The following CHL1 variants were observed in gnomAD, a reference collection of about 807,000 sequenced individuals.
CHL1 encodes neural cell adhesion molecule L1-like protein.
In CHL1, 96 loss-of-function variants were observed where a neutral mutation model predicts 141.9. The ratio of observed to expected loss-of-function variants is 0.68; its 90% CI spans 0.57 to 0.80. The LOEUF is 0.80. Ranked by LOEUF, CHL1 falls within the 30% of genes least tolerant of loss-of-function variation. CHL1 has a pLI of 0.00. For synonymous variants in CHL1, 613 were observed against 502.2 expected, an observed-to-expected ratio of 1.22 and a Z score of -2.95; for missense variants, 1,820 against 1,457.2, an observed-to-expected ratio of 1.25 and a Z score of -4.05.
chr3:280,383 G>C (rs73815829), intron 2 of CHL1, among the ~76,000 whole-genome samples: 6,620 of 152,038 alleles, frequency 0.044, 466 homozygotes, highest in African/African-American at 0.15. Context: ...CTAGAAAAGA[G>C]AATCTGTGGC....
At position 300,554 on chromosome 3, in the gene CHL1, CTATT is replaced by C. The variant is rs762319232; in HGVS notation, c.-94-19122_-94-19119del. Reference sequence around the variant, plus strand: ...CATCCAATTATTTTATATGTACTCACTATTTATTTAAACAGCTTTATTCATGGGG... The same window carrying C: ...CATCCAATTATTTTATATGTACTCACTATTTAAACAGCTTTATTCATGGGG... On this transcript the variant is annotated intron_variant, in intron 2 of 27. Transcript: ENST00000256509. Among the ~76,000 whole-genome samples the C allele has an allele frequency of 9.6e-4, 146 of 152,238 alleles. 1 individual carries two copies. Among genetic ancestry groups the C allele is most frequent in the Non-Finnish European group, 1.6e-3 (112 of 68,012 alleles).
intron 1 of CHL1, among the ~76,000 whole-genome samples, chr3:212,724 G>A (rs1371611200): frequency 2.6e-5 from 4 of 152,132 alleles, no homozygotes; most frequent in Non-Finnish European, 5.9e-5. Flanking sequence ...TGTATCCTTA[G>A]AGACCCTCTC....
chr3:402,932 C>T (rs1026283727), intron 27 of CHL1, among the ~76,000 whole-genome samples: 1 of 152,142 alleles, frequency 6.6e-6, no homozygotes, highest in Non-Finnish European at 1.5e-5. Flanking sequence ...AAACAATAAA[C>T]ATTTATTATT....
Position 407,388 on chromosome 3 carries a change from C to T in CHL1, c.*1677C>T, listed in dbSNP as rs1709595216. On this transcript the variant is annotated 3_prime_UTR_variant, in exon 28 of 28. Coordinates refer to ENST00000256509, the MANE Select transcript of CHL1 (RefSeq NM_006614.4). ...ACTTGTCCTTTTGAACCTCACGAGT[C>T]ATCCAGAATGTATAGACAGGAAAAG... The T allele has an allele frequency of 6.6e-6, 1 of 152,098 alleles. No individual in the cohort carries two copies. The highest frequency in any genetic ancestry group is 1.9e-4 in the East Asian group (1 of 5,190). The allele number at this position is 152,098 out of a possible 1,614,324, so 9.4% of individuals were successfully genotyped here. A position where few individuals can be genotyped will look rare whatever the true frequency, so the allele number is the denominator to read the frequency against.
intron 5 of CHL1, among the ~76,000 whole-genome samples, chr3:330,165 G>A (rs1276179459): frequency 6.6e-6 from 1 of 151,980 alleles, no homozygotes; most frequent in Non-Finnish European, 1.5e-5. Context: ...AATTAAGTTA[G>A]AAATCAATAA....
intron 2 of CHL1, among the ~76,000 whole-genome samples, chr3:274,128 C>G (rs911736006): frequency 6.6e-6 from 1 of 152,166 alleles, no homozygotes; most frequent in East Asian, 1.9e-4. Flanking sequence ...TTTGCATGTA[C>G]TCATTTGTCG....
intron 1 of CHL1, chr3:198,240 C>CCA (rs1559256196): frequency 1.2e-4 from 19 of 159,032 alleles, no homozygotes; most frequent in Non-Finnish European, 2.5e-4. Flanking sequence ...AGAGAGGGCG[C>CCA]CCCAGGTTCA....
intron 2 of CHL1, among the ~76,000 whole-genome samples, chr3:292,606 A>T (rs3901552): frequency 1.3e-5 from 2 of 152,068 alleles, no homozygotes; most frequent in African/African-American, 4.8e-5. Context: ...TTGTATTGCT[A>T]TAAAGGAATA....
chr3:303,022 T>G (rs1390195912), intron 2 of CHL1, among the ~76,000 whole-genome samples: 1 of 152,210 alleles, frequency 6.6e-6, no homozygotes, highest in Non-Finnish European at 1.5e-5. Flanking sequence ...TGCTAGTGTG[T>G]GTCAGGTTTG....
Position 389,513 on chromosome 3 carries a change from C to T in CHL1, c.2470+39C>T, listed in dbSNP as rs763455646. The T allele has an allele frequency of 5.4e-5, 79 of 1,469,520 alleles. 3 individuals carry two copies. The South Asian group carries it at 8.9e-4, about 17-fold the overall frequency. The allele number at this position is 1,469,520 out of a possible 1,614,324, so 91.0% of individuals were successfully genotyped here. A position where few individuals can be genotyped will look rare whatever the true frequency, so the allele number is the denominator to read the frequency against. ...CTAAAACTGCTAAGCACGTCAGTAA[C>T]TGTTGCTTTCAAATATATTGTACTT... On this transcript the variant is annotated intron_variant, in intron 20 of 27. Transcript: ENST00000256509.
At chr3:367,774 C>T (rs1200923353) in intron 15 of CHL1, among the ~76,000 whole-genome samples, 4 of 152,112 alleles carry the variant, frequency 2.6e-5, no homozygotes, top group Non-Finnish European at 5.9e-5. Context: ...GACCTGTCCT[C>T]TAAGTTCCCT....
At chr3:259,389 TTAAACA>T (rs1463159970) in intron 2 of CHL1, among the ~76,000 whole-genome samples, 2 of 151,892 alleles carry the variant, frequency 1.3e-5, no homozygotes, top group Non-Finnish European at 2.9e-5. Flanking sequence ...ATACGAACAG[TTAAACA>T]TAAAGAGAAA....
At chr3:371,260 A>G in intron 15 of CHL1, among the ~76,000 whole-genome samples, 1 of 152,234 alleles carries the variant, frequency 6.6e-6, no homozygotes, top group Admixed American at 6.5e-5. Flanking sequence ...ATGTGTCTCT[A>G]AGAACTTGTT....
chr3:369,358 G>C (rs1279490475), intron 15 of CHL1, among the ~76,000 whole-genome samples: 1 of 151,954 alleles, frequency 6.6e-6, no homozygotes, highest in Admixed American at 6.6e-5. Flanking sequence ...TCTCTTTGTA[G>C]CAATTGTGAA....
At position 319,671 on chromosome 3, in the gene CHL1, TTG is replaced by T; in HGVS notation, c.-94-8_-94-7del. 1 of 656,512 alleles carries T rather than the reference TTG, an allele frequency of 1.5e-6. No individual in the cohort carries two copies. The highest frequency in any genetic ancestry group is 1.8e-5 in the South Asian group (1 of 56,976). The allele number at this position is 656,512 out of a possible 1,614,324, so 40.7% of individuals were successfully genotyped here. ...TTTGTGAACTAACATGTTATTCTGT[TTG>T]TGTTTTTAGTTTCCAGGTTAACTAA... On this transcript the variant is annotated splice_polypyrimidine_tract_variant and intron_variant, in intron 2 of 27. Transcript: ENST00000256509.
intron 19 of CHL1, 98 bp from the exon 20 acceptor site, chr3:389,154 T>C: frequency 1.1e-6 from 1 of 933,620 alleles, no homozygotes; most frequent in Non-Finnish European, 1.6e-6. Context: ...AATGACCATT[T>C]CATTACATTG....
At chr3:351,599 G>A (rs925605398) in intron 10 of CHL1, among the ~76,000 whole-genome samples, 5 of 151,934 alleles carry the variant, frequency 3.3e-5, no homozygotes, top group Non-Finnish European at 7.4e-5. Flanking sequence ...AAATAATAAG[G>A]ATTTGCCATG....
chr3:382,785 G>C, intron 18 of CHL1, 114 bp downstream of exon 18: 2 of 890,128 alleles, frequency 2.2e-6, no homozygotes, highest in South Asian at 3.0e-5. Flanking sequence ...TCTCCAAATA[G>C]TGTTAACAGT....
rs144135642 is a variant in CHL1, at chr3:399,032, A to G, written c.3269A>G (p.Tyr1090Cys). Residue 1090 changes from tyrosine (Y) to cysteine (C), a missense_variant, in exon 26 of 28, where the codon TAT (tyrosine) becomes TGT (cysteine). Coordinates refer to ENST00000256509, the MANE Select transcript of CHL1 (RefSeq NM_006614.4). ...ETRGREYAGLYDDISTQGWFI... is the reference protein window; with the variant it reads ...ETRGREYAGLCDDISTQGWFI... ...TCTACCACAGAATATGCTGGTTTAT[A>G]TGATGACATCTCCACTCAAGGCTGG... is the stretch of plus-strand genomic sequence containing the variant. The G allele has an allele frequency of 1.9e-6, 3 of 1,613,382 alleles. No homozygotes were observed. Among genetic ancestry groups the G allele is most frequent in the Admixed American group, 1.7e-5 (1 of 60,006 alleles).
Sources: gnomAD v4.1 joint callset for allele counts (sites outside exome capture counted in the v4.1 genomes callset) on GRCh38, gnomAD v4.1.1 for gene constraint, MANE v1.5 for transcripts, NCBI Gene and HGNC (gene_info 2026-07-23, HGNC 2026-07-21) for gene names.